EIF2AK4: variants seen among roughly 807,000 people sequenced by gnomAD.
EIF2AK4 encodes the protein eukaryotic translation initiation factor 2 alpha kinase 4.
Under a neutral mutation model 211.1 loss-of-function variants are expected in EIF2AK4, and 139 were observed. The ratio of observed to expected loss-of-function variants is 0.66; its 90% CI spans 0.57 to 0.76. The LOEUF (loss-of-function observed/expected upper bound fraction) is 0.76. EIF2AK4 is among the 30% of genes least tolerant of loss of function. The pLI is 0.00. For synonymous variants in EIF2AK4, 710 were observed against 751.3 expected (o/e 0.94, Z 0.90); for missense variants, 1,664 against 2,043.8 (o/e 0.81, Z 3.58).
chr15:39,992,977 A>G, intron 18 of EIF2AK4, 129 bp downstream of exon 18: 1 of 858,016 alleles, frequency 1.2e-6, no homozygotes, highest in Non-Finnish European at 1.9e-6. Flanking sequence ...GGAAGGACTC[A>G]TGGTCCTAAG....
chr15:40,011,420 C>T (rs2035234017), intron 27 of EIF2AK4, 74 bp downstream of exon 27: 2 of 1,346,300 alleles, frequency 1.5e-6, no homozygotes, highest in South Asian at 1.3e-5. Flanking sequence ...ATCAAATTCT[C>T]GTTGCAGTAG....
intron 28 of EIF2AK4, 72 bp from the exon 29 acceptor site, chr15:40,017,036 C>A: frequency 6.4e-7 from 1 of 1,563,694 alleles, no homozygotes; most frequent in Non-Finnish European, 8.8e-7. Context: ...TGGGAAACAC[C>A]ATTTTCAGCA....
At chr15:39,980,800 T>C (rs1417785795) in intron 13 of EIF2AK4, among the ~76,000 whole-genome samples, 2 of 152,302 alleles carry the variant, frequency 1.3e-5, no homozygotes, top group African/African-American at 4.8e-5. Flanking sequence ...ATGATCCTCC[T>C]GCCTCAGCCT....
chr15:40,035,153 C>A lies in EIF2AK4; in HGVS notation c.*69C>A. ...TATACTGGAATAATGGAATGTTGTA[C>A]ATTCATCATAATTTAAAATTAAATT... is the stretch of plus-strand genomic sequence containing the variant. On this transcript the variant is annotated 3_prime_UTR_variant, in exon 39 of 39. Transcript: ENST00000263791. The A allele has an allele frequency of 8.5e-7, 1 of 1,171,128 alleles. No individual in the cohort carries two copies. The highest frequency in any genetic ancestry group is 1.6e-5 in the African/African-American group (1 of 63,762). 72.5% of individuals were successfully genotyped at this position (1,171,128 alleles called of 1,614,324 possible).
intron 9 of EIF2AK4, among the ~76,000 whole-genome samples, chr15:39,968,782 A>G (rs964322237): frequency 3.3e-5 from 5 of 151,864 alleles, no homozygotes; most frequent in African/African-American, 1.2e-4. Flanking sequence ...CCTGGTTTAC[A>G]TTGTTATGCT....
chr15:40,021,013 T>A lies in EIF2AK4; in HGVS notation c.4288T>A (p.Tyr1430Asn). Residue 1430 changes from tyrosine (Y) to asparagine (N), a missense_variant, in exon 31 of 39, where the codon TAC (tyrosine) becomes AAC (asparagine). By Grantham distance (143) the Tyr-to-Asn change is moderately radical. Transcript: ENST00000263791. Reference protein sequence around the residue: ...WTAGITAEIMYDWSQSQEELQ... With the variant: ...WTAGITAEIMNDWSQSQEELQ... ...AGCAGGCATCACAGCAGAAATCATG[T>A]ACGACTGGTCACAGGTAATGGGACA... 6.2e-7 allele frequency: 1 copy of A among 1,613,348 alleles called. No individual in the cohort carries two copies. The highest frequency in any genetic ancestry group is 1.3e-5 in the African/African-American group (1 of 75,004).
chr15:40,018,493 G>A (rs548096237), intron 29 of EIF2AK4, among the ~76,000 whole-genome samples: 176 of 151,310 alleles, frequency 1.2e-3, no homozygotes, highest in African/African-American at 4.1e-3. Context: ...TGACCCCAGT[G>A]ACACAAATGT....
At chr15:39,994,973 C>T (rs2035000116) in intron 18 of EIF2AK4, among the ~76,000 whole-genome samples, 2 of 152,110 alleles carry the variant, frequency 1.3e-5, no homozygotes, top group African/African-American at 4.8e-5. Flanking sequence ...TCCCGAGTAG[C>T]TGGGATTACA....
Position 39,976,394 on chromosome 15 carries a change from T to G in EIF2AK4, c.1819-20T>G. On this transcript the variant is annotated intron_variant, in intron 11 of 38. Transcript: ENST00000263791. ...TGTGCAAGGCTCCGAGCGGCTGACC[T>G]TCCCCTGGCTGTGCCGCAGGTGCAG... The G allele has an allele frequency of 6.4e-7, 1 of 1,568,918 alleles. No homozygotes were observed. The highest frequency in any genetic ancestry group is 8.6e-7 in the Non-Finnish European group (1 of 1,158,112).
intron 16 of EIF2AK4, chr15:39,991,248 C>A (rs7171855): frequency 0.93 from 142,000 of 152,524 alleles, 66,981 homozygotes; most frequent in East Asian, 1. Flanking sequence ...GCAGACAGTA[C>A]GGACAGGGTC....
intron 4 of EIF2AK4, among the ~76,000 whole-genome samples, chr15:39,950,719 G>A (rs1358967207): frequency 6.6e-6 from 1 of 151,220 alleles, no homozygotes; most frequent in Non-Finnish European, 1.5e-5. Flanking sequence ...CTTCTATATA[G>A]TTCATAAGCT....
At chr15:39,963,733 T>C (rs2034504776) in intron 7 of EIF2AK4, among the ~76,000 whole-genome samples, 2 of 152,230 alleles carry the variant, frequency 1.3e-5, no homozygotes, top group Admixed American at 1.3e-4. Context: ...CTTTTGATAA[T>C]GTATTTTCTC....
At chr15:40,017,953 A>G (rs537458412) in intron 29 of EIF2AK4, among the ~76,000 whole-genome samples, 5 of 152,338 alleles carry the variant, frequency 3.3e-5, no homozygotes, top group East Asian at 1.9e-4. Context: ...AACAACCACC[A>G]TAATCAAGGT....
chr15:40,017,202 T>G lies in EIF2AK4; in HGVS notation c.4025T>G (p.Val1342Gly), dbSNP rs2035314600. ...TTCATCAAACGAAGGCAAAGGGCTGTACCTGAAATCCTCGCAGCTGGAGGC... is the reference window on the plus strand; with the variant it reads ...TTCATCAAACGAAGGCAAAGGGCTGGACCTGAAATCCTCGCAGCTGGAGGC... ...VAFIKRRQRA[V>G]PEILAAGGRY... The change falls in exon 29 of 39, where the codon GTA becomes GGA. Residue 1342 changes from valine (V) to glycine (G), a missense_variant. This residue lies in a region of EIF2AK4 where 622 missense variants were observed against 796.8 expected (regional missense o/e 0.78). Coordinates refer to ENST00000263791, the MANE Select transcript of EIF2AK4 (RefSeq NM_001013703.4). The G allele has an allele frequency of 6.2e-7, 1 of 1,613,788 alleles. No individual in the cohort carries two copies. The highest frequency in any genetic ancestry group is 8.5e-7 in the Non-Finnish European group (1 of 1,179,800).
Position 39,990,362 on chromosome 15 carries a change from C to G in EIF2AK4, c.2616C>G (p.Asp872Glu). The change falls in exon 16 of 39, where the codon GAC (aspartate) becomes GAG (glutamate). Residue 872 changes from aspartate to glutamate, a missense_variant. Transcript: ENST00000263791. Reference sequence around the variant, plus strand: ...TAGGTGATTTTGGTTTGGCGACAGACCATCTAGCCTTTTCTGTAAGTATTT... The same window carrying G: ...TAGGTGATTTTGGTTTGGCGACAGAGCATCTAGCCTTTTCTGTAAGTATTT... The part of the protein sequence containing the change: ...VKIGDFGLAT[D>E]HLAFSADSKQ... The G allele has an allele frequency of 6.2e-7, 1 of 1,613,856 alleles. No individual in the cohort carries two copies. Among genetic ancestry groups the G allele is most frequent in the Non-Finnish European group, 8.5e-7 (1 of 1,179,798 alleles).
chr15:40,000,590 G>T (rs2035076402), intron 20 of EIF2AK4, among the ~76,000 whole-genome samples: 2 of 152,180 alleles, frequency 1.3e-5, no homozygotes, highest in African/African-American at 4.8e-5. Context: ...TTGCTTTTAG[G>T]ATTCCAGCAG....
rs140949104 is a variant in EIF2AK4 at position 39,954,236 on chromosome 15, A to G, written c.594+252A>G. On this transcript the variant is annotated intron_variant, in intron 5 of 38. Coordinates refer to ENST00000263791, the MANE Select transcript of EIF2AK4 (RefSeq NM_001013703.4). ...GAGGGAGGGAAGAGATTGCGTCTTT[A>G]ATAATTAACCTGGACTAAAATTGTT... Among the ~76,000 whole-genome samples, 907 of 152,288 alleles carry G rather than the reference A, an allele frequency of 6.0e-3. 6 individuals carry two copies. The highest frequency in any genetic ancestry group is 0.021 in the African/African-American group (875 of 41,556).
At chr15:39,972,029 C>T (rs547810992) in intron 9 of EIF2AK4, among the ~76,000 whole-genome samples, 27 of 152,100 alleles carry the variant, frequency 1.8e-4, no homozygotes, top group African/African-American at 6.0e-4. Context: ...CACCATTAAA[C>T]AGTAAGTTAA....
At chr15:39,988,461 C>T (rs1339137032) in intron 15 of EIF2AK4, among the ~76,000 whole-genome samples, 5 of 152,156 alleles carry the variant, frequency 3.3e-5, no homozygotes, top group African/African-American at 1.2e-4. Context: ...CATTTCGTGA[C>T]ACATAAAAAT....
Sources: allele counts gnomAD v4.1 joint callset (sites outside exome capture counted in the v4.1 genomes callset), GRCh38; gene constraint gnomAD v4.1.1; regional missense constraint gnomAD v4.1.1; transcripts MANE v1.5; gene names NCBI Gene and HGNC (gene_info 2026-07-23, HGNC 2026-07-21).